MMP26: variants seen among roughly 807,000 people sequenced by gnomAD.
MMP26 encodes matrix metallopeptidase 26, also known as matrix metalloproteinase-26.
Under a neutral mutation model 31.0 loss-of-function variants are expected in MMP26, and 33 were observed. That is an observed-to-expected ratio of 1.06 (90% CI 0.81 to 1.42). MMP26 has a LOEUF of 1.42. Ranked by LOEUF, MMP26 falls within the 40% of genes most tolerant of loss-of-function variation. The pLI is 0.00. For synonymous variants in MMP26, 122 were observed against 114.9 expected (o/e 1.06, Z -0.40); for missense variants, 347 against 316.1 (o/e 1.10, Z -0.74).
At chr11:4,986,029 C>T (rs1846880800) in intron 2 of MMP26, among the ~76,000 whole-genome samples, 1 of 152,164 alleles carries the variant, frequency 6.6e-6, no homozygotes, top group Non-Finnish European at 1.5e-5. Context: ...TTGCCTGCTG[C>T]TGTTGAGTAG....
At chr11:4,958,972 C>T (rs1846481820) in intron 2 of MMP26, among the ~76,000 whole-genome samples, 1 of 152,150 alleles carries the variant, frequency 6.6e-6, no homozygotes, top group Non-Finnish European at 1.5e-5. Context: ...GGCGCGGTGG[C>T]TCACGCCTGT....
At chr11:4,969,638 T>G (rs1169361917) in intron 2 of MMP26, among the ~76,000 whole-genome samples, 4 of 152,128 alleles carry the variant, frequency 2.6e-5, no homozygotes, top group Admixed American at 2.0e-4. Context: ...ATAAAGTATT[T>G]ATATTAAACA....
At chr11:4,932,056 G>C (rs1450981393) in intron 2 of MMP26, among the ~76,000 whole-genome samples, 1 of 152,074 alleles carries the variant, frequency 6.6e-6, no homozygotes, top group African/African-American at 2.4e-5. Context: ...TTGATGATCA[G>C]CTGAAATAGC....
intron 2 of MMP26, among the ~76,000 whole-genome samples, chr11:4,799,244 A>T (rs1449058546): frequency 6.6e-6 from 1 of 152,144 alleles, no homozygotes; most frequent in African/African-American, 2.4e-5. Flanking sequence ...CAGGCTGCAG[A>T]CTGTACGAGC....
intron 2 of MMP26, among the ~76,000 whole-genome samples, chr11:4,811,678 G>A (rs991784276): frequency 1.3e-5 from 2 of 151,812 alleles, no homozygotes; most frequent in Non-Finnish European, 2.9e-5. Flanking sequence ...CTTTTTTAGG[G>A]GCACTTTTCT....
chr11:4,770,557 C>G (rs1848702429), intron 2 of MMP26, among the ~76,000 whole-genome samples: 1 of 152,060 alleles, frequency 6.6e-6, no homozygotes, highest in African/African-American at 2.4e-5. Context: ...ACTATGAAAA[C>G]CAAAAGAGGC....
At chr11:4,724,869 A>G (rs1156342915) in intron 1 of MMP26, among the ~76,000 whole-genome samples, 1 of 152,218 alleles carries the variant, frequency 6.6e-6, no homozygotes, top group Non-Finnish European at 1.5e-5. Context: ...TTCACTAAAG[A>G]ATTAAAAAAG....
chr11:4,931,653 G>C (rs1851348864), intron 2 of MMP26, among the ~76,000 whole-genome samples: 1 of 152,010 alleles, frequency 6.6e-6, no homozygotes, highest in Non-Finnish European at 1.5e-5. Flanking sequence ...TAGGTTGAAG[G>C]AGAGTAGCTA....
intron 2 of MMP26, among the ~76,000 whole-genome samples, chr11:4,802,978 T>C (rs1013502749): frequency 1.3e-5 from 2 of 152,216 alleles, no homozygotes; most frequent in Non-Finnish European, 2.9e-5. Context: ...TTTATGCATG[T>C]CTTTGTACAT....
In MMP26 at chr11:4,713,007, G is replaced by A. The variant is rs1847881161; in HGVS notation, c.-217+7962G>A. ...TTAATCTGAAGTAGACTTTGAAAGA[G>A]TAGGCGATAGGGTGTTGAGGTTCTG... On this transcript the variant is annotated intron_variant, in intron 1 of 7. Coordinates refer to ENST00000380390, the MANE Select transcript of MMP26 (RefSeq NM_021801.5). Among the ~76,000 whole-genome samples the A allele has an allele frequency of 2.6e-5, 4 of 152,154 alleles. No individual in the cohort carries two copies. The South Asian group carries it at 6.2e-4, about 24-fold the overall frequency.
chr11:4,916,439 C>A (rs888439095), intron 2 of MMP26, among the ~76,000 whole-genome samples: 2 of 151,482 alleles, frequency 1.3e-5, no homozygotes, highest in African/African-American at 4.8e-5. Flanking sequence ...TTCTACCAGG[C>A]CTCTCACTAA....
At chr11:4,814,642 T>C (rs897795563) in intron 2 of MMP26, among the ~76,000 whole-genome samples, 1 of 152,202 alleles carries the variant, frequency 6.6e-6, no homozygotes, top group Non-Finnish European at 1.5e-5. Context: ...CCAAGGGTTA[T>C]TATGCTCTAA....
At chr11:4,911,386 T>A (rs1850989405) in intron 2 of MMP26, among the ~76,000 whole-genome samples, 1 of 152,140 alleles carries the variant, frequency 6.6e-6, no homozygotes, top group African/African-American at 2.4e-5. Context: ...ACTAGACAAA[T>A]CCTTGAGGGT....
At chr11:4,935,166 C>A (rs1589944022) in intron 2 of MMP26, among the ~76,000 whole-genome samples, 1 of 151,726 alleles carries the variant, frequency 6.6e-6, no homozygotes, top group African/African-American at 2.4e-5. Flanking sequence ...CTACCTTGGG[C>A]AGTATGGCCG....
intron 2 of MMP26, among the ~76,000 whole-genome samples, chr11:4,851,126 A>G (rs1190007139): frequency 6.6e-6 from 1 of 152,172 alleles, no homozygotes; most frequent in Non-Finnish European, 1.5e-5. Context: ...AATCCATTAG[A>G]GATATAAGCT....
intron 2 of MMP26, among the ~76,000 whole-genome samples, chr11:4,985,677 G>A (rs891253619): frequency 6.6e-6 from 1 of 151,916 alleles, no homozygotes; most frequent in African/African-American, 2.4e-5. Context: ...GCCGCTTTTG[G>A]TACCTTATTA....
At chr11:4,898,432 C>G (rs995162417) in intron 2 of MMP26, among the ~76,000 whole-genome samples, 2 of 151,940 alleles carry the variant, frequency 1.3e-5, no homozygotes, top group African/African-American at 2.4e-5. Context: ...TTTGCTGTGG[C>G]TCTCTTCTCA....
intron 2 of MMP26, chr11:4,908,623 T>A (rs892699089): frequency 2.6e-6 from 1 of 389,848 alleles, no homozygotes; most frequent in Non-Finnish European, 4.8e-6. Flanking sequence ...TACCATTCAG[T>A]TAGTATCTAT....
chr11:4,821,402 T>C (rs1047870038), intron 2 of MMP26: 2 of 1,613,360 alleles, frequency 1.2e-6, no homozygotes, highest in Admixed American at 3.3e-5. Context: ...GAAACATCCC[T>C]GTCTTCTCAG....
Sources: gnomAD v4.1 joint callset for allele counts (sites outside exome capture counted in the v4.1 genomes callset) on GRCh38, gnomAD v4.1.1 for gene constraint, MANE v1.5 for transcripts, NCBI Gene and HGNC (gene_info 2026-07-23, HGNC 2026-07-21) for gene names.